The following WFDC1 variants were observed in gnomAD, a reference collection of about 807,000 sequenced individuals.
WFDC1 encodes WAP four-disulfide core domain protein 1.
In WFDC1, 39 loss-of-function variants were observed where a neutral mutation model predicts 32.9. The observed-to-expected ratio is 1.19, with a 90% CI of 0.92 to 1.55. The LOEUF is 1.55. Among genes scored for constraint, WFDC1 ranks in the 40% most tolerant of loss-of-function variants. The pLI is 0.00. For missense variants in WFDC1, 386 were observed against 309.5 expected (o/e 1.25, Z -1.85); for synonymous variants, 184 against 137.4 (o/e 1.34, Z -2.37).
intron 2 of WFDC1, among the ~76,000 whole-genome samples, chr16:84,315,368 C>G (rs1022890999): frequency 6.6e-6 from 1 of 152,194 alleles, no homozygotes; most frequent in Non-Finnish European, 1.5e-5. Flanking sequence ...ATTGACTGTT[C>G]TCTCCCCACT....
chr16:84,318,250 A>T (rs767929031), intron 2 of WFDC1, 22 bp from the exon 3 acceptor site: 1 of 1,613,724 alleles, frequency 6.2e-7, no homozygotes, highest in Non-Finnish European at 8.5e-7. Context: ...GAGGGCCCTG[A>T]TCTGACCCCG....
chr16:84,310,438 G>C (rs78175336), intron 1 of WFDC1, among the ~76,000 whole-genome samples: 9,441 of 152,272 alleles, frequency 0.062, 366 homozygotes, highest in Non-Finnish European at 0.095. Context: ...TCTAGATTAA[G>C]CCAGGACTTG....
Position 84,326,907 on chromosome 16 carries a change from A to T in WFDC1, c.630A>T (p.Glu210Asp), listed in dbSNP as rs776425070. ...AAGGTGACTCAAAGAATGTGGCAGA[A>T]CCTGGAAGGGGACAACAGAAGCACT... Reference protein sequence around the residue: ...YPEGDSKNVAEPGRGQQKHFQ With the variant: ...YPEGDSKNVADPGRGQQKHFQ The change falls in exon 6 of 7, where the codon GAA (glutamate) becomes GAT (aspartate). Residue 210 changes from glutamate to aspartate, a missense_variant. Physicochemically the swap from Glu to Asp is conservative, Grantham distance 45 (BLOSUM62 2). Coordinates refer to ENST00000219454, the MANE Select transcript of WFDC1 (RefSeq NM_021197.4). 9.3e-6 allele frequency: 15 copies of T among 1,614,004 alleles called. No individual in the cohort carries two copies. In the African/African-American group the frequency reaches 1.1e-4, roughly 11 times the overall value.
intron 1 of WFDC1, among the ~76,000 whole-genome samples, chr16:84,307,345 T>C (rs1907323945): frequency 6.6e-6 from 1 of 152,224 alleles, no homozygotes; most frequent in South Asian, 2.1e-4. Context: ...ACATGAAATA[T>C]TTTTCAAAAC....
intron 4 of WFDC1, among the ~76,000 whole-genome samples, chr16:84,320,408 C>T (rs1908238082): frequency 6.6e-6 from 1 of 152,192 alleles, no homozygotes; most frequent in African/African-American, 2.4e-5. Flanking sequence ...TCTGAGAATC[C>T]TTAACTTCCA....
At chr16:84,315,397 G>T (rs1198498513) in intron 2 of WFDC1, among the ~76,000 whole-genome samples, 1 of 152,172 alleles carries the variant, frequency 6.6e-6, no homozygotes, top group Non-Finnish European at 1.5e-5. Context: ...AGCCCCACAG[G>T]GCAGGGAGTT....
At chr16:84,301,864 GA>G (rs1291340692) in intron 1 of WFDC1, among the ~76,000 whole-genome samples, 3 of 152,170 alleles carry the variant, frequency 2.0e-5, no homozygotes, top group African/African-American at 7.2e-5. Flanking sequence ...ATTCCAGGTG[GA>G]AATCAACGAG....
At chr16:84,307,038 G>T (rs893548459) in intron 1 of WFDC1, among the ~76,000 whole-genome samples, 1 of 152,284 alleles carries the variant, frequency 6.6e-6, no homozygotes, top group Admixed American at 6.5e-5. Flanking sequence ...GAGCCGGGCA[G>T]ATATGGTGGG....
chr16:84,324,910 T>C (rs187475946), intron 5 of WFDC1, among the ~76,000 whole-genome samples: 1 of 152,120 alleles, frequency 6.6e-6, no homozygotes, highest in Non-Finnish European at 1.5e-5. Flanking sequence ...CATTCATCCA[T>C]TCATATATCC....
intron 1 of WFDC1, among the ~76,000 whole-genome samples, chr16:84,297,925 G>A (rs1484521298): frequency 2.0e-5 from 3 of 152,064 alleles, no homozygotes; most frequent in Admixed American, 1.3e-4. Context: ...TTCCCCGTGA[G>A]GCACCACTCC....
intron 1 of WFDC1, among the ~76,000 whole-genome samples, chr16:84,304,844 A>G (rs532897435): frequency 1.3e-5 from 2 of 151,982 alleles, no homozygotes; most frequent in African/African-American, 2.4e-5. Context: ...CCCCATTTTG[A>G]CTCCACCCTG....
At chr16:84,315,454 G>A (rs1203688568) in intron 2 of WFDC1, among the ~76,000 whole-genome samples, 1 of 152,098 alleles carries the variant, frequency 6.6e-6, no homozygotes. Flanking sequence ...ACGGTCTCTG[G>A]GCATATAATA....
At chr16:84,314,453 G>GAT (rs1567658928) in intron 2 of WFDC1, among the ~76,000 whole-genome samples, 2 of 152,292 alleles carry the variant, frequency 1.3e-5, no homozygotes, top group East Asian at 3.9e-4. Flanking sequence ...ACGAGAGGCT[G>GAT]TGGGTTCCCA....
In WFDC1 at chr16:84,313,281, G is replaced by A. The variant is rs1199886572; in HGVS notation, c.337+128G>A. The A allele has an allele frequency of 3.6e-6, 3 of 834,106 alleles. No individual in the cohort carries two copies. In the African/African-American group the frequency reaches 5.4e-5, roughly 15 times the overall value. The allele number at this position is 834,106 out of a possible 1,614,324, so 51.7% of individuals were successfully genotyped here. A position where few individuals can be genotyped will look rare whatever the true frequency, so the allele number is the denominator to read the frequency against. ...TGGGCGGGTCTCGGGCGCCTCCACT[G>A]CGCACCTGTGAACTGGGACGGGCGC... On this transcript the variant is annotated intron_variant, in intron 2 of 6. Transcript: ENST00000219454.
At chr16:84,324,619 G>T (rs1908482662) in intron 5 of WFDC1, among the ~76,000 whole-genome samples, 159 bp downstream of exon 5, 1 of 152,204 alleles carries the variant, frequency 6.6e-6, no homozygotes, top group Non-Finnish European at 1.5e-5. Flanking sequence ...GTCTGATGGT[G>T]GGCAGGGAGT....
rs570121136 is a variant in WFDC1, at chr16:84,304,555, T to C, written c.145-8406T>C. Among the ~76,000 whole-genome samples, 7 of 152,306 alleles carry C rather than the reference T, an allele frequency of 4.6e-5. No individual in the cohort carries two copies. The South Asian group carries it at 1.5e-3, about 32-fold the overall frequency. On this transcript the variant is annotated intron_variant, in intron 1 of 6. Coordinates refer to ENST00000219454, the MANE Select transcript of WFDC1 (RefSeq NM_021197.4). ...GAATCATTTTTATCCAGGTAAGGCA[T>C]ACAGAACCGGAGGGTTCTTGTCTAA... is the stretch of plus-strand genomic sequence containing the variant.
At chr16:84,327,278 A>T (rs1448093675) in intron 6 of WFDC1, 2 of 280,462 alleles carry the variant, frequency 7.1e-6, no homozygotes, top group Non-Finnish European at 1.4e-5. Flanking sequence ...GCAGCCTCAG[A>T]CTCCTAGGCT....
chr16:84,295,580 T>G (rs113470574), intron 1 of WFDC1: 6 of 174,912 alleles, frequency 3.4e-5, no homozygotes, highest in Admixed American at 1.8e-4. Context: ...AGGCACTCTG[T>G]GGGGTCCTGT....
chr16:84,328,750 G>A (rs1032740135), intron 6 of WFDC1: 12 of 151,722 alleles, frequency 7.9e-5, no homozygotes, highest in African/African-American at 2.9e-4. Flanking sequence ...TTCAAGCCCA[G>A]CCTGGCCTGG....
Sources: gnomAD v4.1 joint callset for allele counts (sites outside exome capture counted in the v4.1 genomes callset) on GRCh38, gnomAD v4.1.1 for gene constraint, MANE v1.5 for transcripts, NCBI Gene and HGNC (gene_info 2026-07-23, HGNC 2026-07-21) for gene names.